Variants in CNTN1 observed in about 807,000 individuals in gnomAD.
CNTN1 encodes contactin-1.
Under a neutral mutation model 126.4 loss-of-function variants are expected in CNTN1, and 38 were observed. The ratio of observed to expected loss-of-function variants is 0.30; its 90% confidence interval spans 0.23 to 0.39. CNTN1 has a LOEUF of 0.39. Among genes scored for constraint, CNTN1 ranks in the 10% least tolerant of loss-of-function variants. The pLI, the probability that CNTN1 is intolerant of heterozygous loss-of-function variation, is 1.00. For missense variants in CNTN1, 1,009 were observed against 1,248.4 expected, an observed-to-expected ratio of 0.81 and a Z score of 2.89; for synonymous variants, 413 against 422.6, an observed-to-expected ratio of 0.98 and a Z score of 0.28.
intron 23 of CNTN1, among the ~76,000 whole-genome samples, chr12:41,037,811 C>T (rs1360855542): frequency 6.6e-6 from 1 of 151,924 alleles, no homozygotes; most frequent in Non-Finnish European, 1.5e-5. Flanking sequence ...TGCCTGTGTT[C>T]TATTTATTTG....
rs938783266 is a variant in CNTN1 at position 40,947,935 on chromosome 12, G to T, written c.1683+3765G>T. On this transcript the variant is annotated intron_variant, in intron 14 of 23. Coordinates refer to ENST00000551295, the MANE Select transcript of CNTN1 (RefSeq NM_001843.4). ...ATATCACTTGAATTGTTCAGAGATT[G>T]TGTCACAAACCAACCTGGGCTTTAG... Among the ~76,000 whole-genome samples the T allele has an allele frequency of 3.3e-5, 5 of 151,946 alleles. No individual in the cohort carries two copies. In the East Asian group the frequency reaches 9.7e-4, roughly 29 times the overall value.
At chr12:40,925,157 C>T (rs1390642111) in intron 6 of CNTN1, among the ~76,000 whole-genome samples, 1 of 151,636 alleles carries the variant, frequency 6.6e-6, no homozygotes, top group African/African-American at 2.4e-5. Flanking sequence ...AATTAAGTGT[C>T]ATCTGTTATG....
chr12:40,820,722 C>T (rs1028706643), intron 1 of CNTN1, among the ~76,000 whole-genome samples: 2 of 152,030 alleles, frequency 1.3e-5, no homozygotes, highest in African/African-American at 4.8e-5. Flanking sequence ...TACCAGTGTC[C>T]CTTGCAGAGA....
At chr12:40,769,550 A>G (rs1056690918) in intron 1 of CNTN1, among the ~76,000 whole-genome samples, 1 of 152,208 alleles carries the variant, frequency 6.6e-6, no homozygotes, top group Non-Finnish European at 1.5e-5. Context: ...GTATGTTTCA[A>G]TTAACCCAGT....
intron 17 of CNTN1, among the ~76,000 whole-genome samples, chr12:41,007,924 G>T (rs1948543344): frequency 6.6e-6 from 1 of 152,206 alleles, no homozygotes; most frequent in Non-Finnish European, 1.5e-5. Flanking sequence ...GTTAGAAAAT[G>T]ATTTGTGGCT....
intron 1 of CNTN1, among the ~76,000 whole-genome samples, chr12:40,779,539 A>T (rs1939711632): frequency 6.6e-6 from 1 of 151,906 alleles, no homozygotes; most frequent in African/African-American, 2.4e-5. Context: ...AGTCCTAAAC[A>T]TCAGTGGCCA....
intron 14 of CNTN1, among the ~76,000 whole-genome samples, chr12:40,951,442 G>A (rs1221938642): frequency 6.6e-6 from 1 of 151,936 alleles, no homozygotes; most frequent in African/African-American, 2.4e-5. Context: ...TTTTATTTAT[G>A]TTTTTGACTC....
intron 1 of CNTN1, among the ~76,000 whole-genome samples, chr12:40,786,562 A>G (rs991000332): frequency 2.6e-5 from 4 of 152,194 alleles, no homozygotes; most frequent in African/African-American, 9.6e-5. Context: ...GTTGCTTTGA[A>G]TATTATTAGT....
chr12:40,833,630 C>T (rs1276291340), intron 1 of CNTN1, among the ~76,000 whole-genome samples: 1 of 151,852 alleles, frequency 6.6e-6, no homozygotes, highest in Non-Finnish European at 1.5e-5. Context: ...ATTTAAGGAT[C>T]AATTCTGAAT....
At position 40,831,887 on chromosome 12, in the gene CNTN1, A is replaced by C. The variant is rs553282831; in HGVS notation, c.-76-76470A>C. Among the ~76,000 whole-genome samples, 180 of 152,310 alleles carry C rather than the reference A, an allele frequency of 1.2e-3. 3 individuals carry two copies. In the South Asian group the frequency reaches 0.037, roughly 31 times the overall value. ...AAAGATAAAACATAGGAGCACCCAA[A>C]AATATTTGGTAAAACGTTCTACTGT... On this transcript the variant is annotated intron_variant, in intron 1 of 23. Coordinates refer to ENST00000551295, the MANE Select transcript of CNTN1 (RefSeq NM_001843.4).
At chr12:41,068,659 C>A (rs182771152) in intron 23 of CNTN1, among the ~76,000 whole-genome samples, 2 of 152,120 alleles carry the variant, frequency 1.3e-5, no homozygotes, top group East Asian at 3.9e-4. Flanking sequence ...TATAAAAGGA[C>A]CATGCCAAAG....
rs545320283 is a variant in CNTN1, at chr12:40,707,473, C to T, written c.-77+14881C>T. 6.4e-4 allele frequency among the ~76,000 whole-genome samples: 97 copies of T among 151,970 alleles called. 2 individuals carry two copies. The South Asian group carries it at 0.016, about 25-fold the overall frequency. The stretch of plus-strand genomic sequence containing the variant: ...TTCACTGTGTTAGCCAGGATGGTCT[C>T]GATCTCCTGACCTCATGATCTGCCC... On this transcript the variant is annotated intron_variant, in intron 1 of 23. Transcript: ENST00000551295.
chr12:40,871,186 GAAAAAAAAAA>G lies in CNTN1; in HGVS notation c.-76-37152_-76-37143del, dbSNP rs201485882. Reference sequence around the variant, plus strand: ...AGTAGTGACTTGGATCTGTTACAGAGAAAAAAAAAAAAAAAAAAAAAAAAAAAACAGAAGA... The same window carrying G: ...AGTAGTGACTTGGATCTGTTACAGAGAAAAAAAAAAAAAAAAAACAGAAGA... On this transcript the variant is annotated intron_variant, in intron 1 of 23. Coordinates refer to ENST00000551295, the MANE Select transcript of CNTN1 (RefSeq NM_001843.4). Among the ~76,000 whole-genome samples the G allele has an allele frequency of 2.8e-4, 32 of 113,554 alleles. No homozygotes were observed. In the East Asian group the frequency reaches 5.1e-3, roughly 18 times the overall value. The allele number at this position is 113,554 out of a possible 152,430, so 74.5% of individuals were successfully genotyped here.
At chr12:40,974,438 TAAAAATA>T (rs1244813632) in intron 15 of CNTN1, among the ~76,000 whole-genome samples, 2 of 151,568 alleles carry the variant, frequency 1.3e-5, no homozygotes, top group African/African-American at 2.4e-5. Context: ...CTCATCTCCA[TAAAAATA>T]AAAAATAAAA....
At chr12:40,953,337 A>G (rs1419582918) in intron 14 of CNTN1, among the ~76,000 whole-genome samples, 1 of 152,148 alleles carries the variant, frequency 6.6e-6, no homozygotes, top group Non-Finnish European at 1.5e-5. Context: ...GAGCATTTGT[A>G]TCTAATTTGT....
chr12:40,818,300 G>A (rs1941321992), intron 1 of CNTN1, among the ~76,000 whole-genome samples: 1 of 152,018 alleles, frequency 6.6e-6, no homozygotes, highest in South Asian at 2.1e-4. Context: ...CCTTCTGGTT[G>A]TCCAATCAAT....
intron 1 of CNTN1, among the ~76,000 whole-genome samples, chr12:40,713,469 A>C (rs1432274460): frequency 6.6e-6 from 1 of 150,700 alleles, no homozygotes; most frequent in African/African-American, 2.4e-5. Flanking sequence ...TATATATTTA[A>C]ATGCAGAATA....
intron 1 of CNTN1, among the ~76,000 whole-genome samples, chr12:40,715,658 G>T (rs77359094): frequency 0.012 from 1,770 of 152,204 alleles, 24 homozygotes; most frequent in African/African-American, 0.04. Flanking sequence ...AGAGCCAGTG[G>T]AACAGATCTG....
intron 23 of CNTN1, among the ~76,000 whole-genome samples, chr12:41,066,842 TA>T (rs5797700): frequency 3.3e-5 from 5 of 151,596 alleles, no homozygotes; most frequent in East Asian, 3.9e-4. Context: ...AGTTTAGATT[TA>T]AAAAAAAATC....
Sources: gnomAD v4.1 joint callset for allele counts (sites outside exome capture counted in the v4.1 genomes callset) on GRCh38, gnomAD v4.1.1 for gene constraint, MANE v1.5 for transcripts, NCBI Gene and HGNC (gene_info 2026-07-23, HGNC 2026-07-21) for gene names.